PTPRD: variants seen among roughly 807,000 people sequenced by gnomAD.
PTPRD encodes receptor-type tyrosine-protein phosphatase delta.
Under a neutral mutation model 214.5 loss-of-function variants are expected in PTPRD, and 34 were observed. The ratio of observed to expected loss-of-function variants is 0.16; its 90% CI spans 0.12 to 0.21. The LOEUF is 0.21. Ranked by LOEUF, PTPRD falls within the 10% of genes least tolerant of loss-of-function variation. The pLI is 1.00. For synonymous variants in PTPRD, 1,128 were observed against 845.7 expected (o/e 1.33, Z -5.79); for missense variants, 2,545 against 2,398.7 (o/e 1.06, Z -1.27).
chr9:8,728,037 C>T (rs12001740), intron 12 of PTPRD, among the ~76,000 whole-genome samples: 7,794 of 151,960 alleles, frequency 0.051, 654 homozygotes, highest in African/African-American at 0.18. Flanking sequence ...CACCTGAGGT[C>T]GGGAGTTCGA....
chr9:8,717,988 TG>T (rs1300926177), intron 12 of PTPRD, among the ~76,000 whole-genome samples: 1 of 152,150 alleles, frequency 6.6e-6, no homozygotes, highest in Non-Finnish European at 1.5e-5. Context: ...CTATCTTCCT[TG>T]TAACTCAAAT....
chr9:9,757,099 G>T (rs2154472573), intron 6 of PTPRD, among the ~76,000 whole-genome samples: 1 of 152,144 alleles, frequency 6.6e-6, no homozygotes, highest in Middle Eastern at 3.4e-3. Context: ...AAGTTCACAG[G>T]AATTCAGGCC....
rs142458774 is a variant in PTPRD, at chr9:9,625,669, G to A, written c.-286-50888C>T. Among the ~76,000 whole-genome samples, 535 of 152,116 alleles carry A rather than the reference G, an allele frequency of 3.5e-3. 3 individuals carry two copies. The highest frequency in any genetic ancestry group is 0.013 in the African/African-American group (519 of 41,484). On this transcript the variant is annotated intron_variant, in intron 7 of 45. Coordinates refer to ENST00000381196, the MANE Select transcript of PTPRD (RefSeq NM_002839.4). ...ATAGTCACCATTTTGTATAACTACG[G>A]GAAATCTCTTAGGTTATTGCAGATG...
intron 14 of PTPRD, among the ~76,000 whole-genome samples, chr9:8,559,040 C>G (rs907983048): frequency 2.6e-5 from 4 of 152,142 alleles, no homozygotes; most frequent in African/African-American, 9.7e-5. Context: ...TAATAGCTAA[C>G]TGAAGTTTTA....
intron 11 of PTPRD, among the ~76,000 whole-genome samples, chr9:8,787,759 C>G (rs1021506398): frequency 6.6e-6 from 1 of 152,080 alleles, no homozygotes; most frequent in East Asian, 1.9e-4. Flanking sequence ...TACATCTTTG[C>G]AAGTATGTGT....
At chr9:8,513,600 G>A (rs996291063) in intron 21 of PTPRD, among the ~76,000 whole-genome samples, 2 of 151,826 alleles carry the variant, frequency 1.3e-5, no homozygotes, top group African/African-American at 4.8e-5. Flanking sequence ...ATTTTTATAG[G>A]GTTAGAGGAG....
chr9:10,511,040 CAT>C (rs1235777412), intron 2 of PTPRD, among the ~76,000 whole-genome samples: 1 of 127,180 alleles, frequency 7.9e-6, no homozygotes, highest in Non-Finnish European at 1.7e-5. Context: ...ATGATTCATA[CAT>C]GTTATTGTAA....
At chr9:9,168,866 T>C (rs1263886790) in intron 10 of PTPRD, among the ~76,000 whole-genome samples, 1 of 151,888 alleles carries the variant, frequency 6.6e-6, no homozygotes, top group Non-Finnish European at 1.5e-5. Flanking sequence ...TACTGTCTTT[T>C]AGATTTTTTT....
intron 10 of PTPRD, among the ~76,000 whole-genome samples, chr9:9,055,426 G>A (rs1176499007): frequency 6.6e-6 from 1 of 152,112 alleles, no homozygotes; most frequent in Non-Finnish European, 1.5e-5. Context: ...ATCTTTGCCA[G>A]TTAAAAATAT....
chr9:9,922,392 T>TA (rs2153880226), intron 5 of PTPRD, among the ~76,000 whole-genome samples: 1 of 152,212 alleles, frequency 6.6e-6, no homozygotes, highest in South Asian at 2.1e-4. Context: ...AAGGGACCTG[T>TA]AACCTTCTTT....
chr9:10,530,318 G>T (rs758884015), intron 2 of PTPRD, among the ~76,000 whole-genome samples: 10 of 151,940 alleles, frequency 6.6e-5, no homozygotes, highest in Middle Eastern at 3.2e-3. Context: ...TACCAAATTA[G>T]ACTTTTTAGA....
chr9:10,289,685 T>C (rs1349285022), intron 3 of PTPRD, among the ~76,000 whole-genome samples: 1 of 152,200 alleles, frequency 6.6e-6, no homozygotes, highest in Non-Finnish European at 1.5e-5. Context: ...TAGGACATTG[T>C]AAACAAAGGG....
intron 5 of PTPRD, among the ~76,000 whole-genome samples, chr9:9,778,207 A>G (rs2098813918): frequency 6.6e-6 from 1 of 152,216 alleles, no homozygotes; most frequent in African/African-American, 2.4e-5. Context: ...GGAACCCTGC[A>G]CAGCATAAGG....
Position 9,942,895 on chromosome 9 carries a change from GTTT to G in PTPRD, c.-471-4288_-471-4286del, listed in dbSNP as rs113089194. The stretch of plus-strand genomic sequence containing the variant: ...CGTCAGCAAAACATTGCTCTGAGTT[GTTT>G]TTTTTTTTTTTTAAAGCTTTTGTCC... On this transcript the variant is annotated intron_variant, in intron 4 of 45. Coordinates refer to ENST00000381196, the MANE Select transcript of PTPRD (RefSeq NM_002839.4). Among the ~76,000 whole-genome samples the G allele has an allele frequency of 1.1e-4, 13 of 120,144 alleles. No individual in the cohort carries two copies. In the South Asian group the frequency reaches 2.9e-3, roughly 26 times the overall value. 78.8% of individuals were successfully genotyped at this position (120,144 alleles called of 152,430 possible). A position where few individuals can be genotyped will look rare whatever the true frequency, so the allele number is the denominator to read the frequency against.
intron 11 of PTPRD, among the ~76,000 whole-genome samples, chr9:8,742,997 C>G (rs567833727): frequency 6.6e-6 from 1 of 151,820 alleles, no homozygotes; most frequent in East Asian, 2.0e-4. Flanking sequence ...CACAGAACAA[C>G]TACCTGCCCC....
rs182363108 is a variant in PTPRD at position 9,752,801 on chromosome 9, G to A, written c.-326+14009C>T. 2.0e-3 allele frequency among the ~76,000 whole-genome samples: 305 copies of A among 152,058 alleles called. 1 individual carries two copies. The highest frequency in any genetic ancestry group is 7.1e-3 in the African/African-American group (293 of 41,536). On this transcript the variant is annotated intron_variant, in intron 6 of 45. Coordinates refer to ENST00000381196, the MANE Select transcript of PTPRD (RefSeq NM_002839.4). ...AGATCCATTAAATATGGCCTGGCAC[G>A]ACCTTTCTAGGACAAGTCATTAAAG...
intron 35 of PTPRD, among the ~76,000 whole-genome samples, chr9:8,408,037 A>C (rs1293678580): frequency 6.6e-6 from 1 of 152,214 alleles, no homozygotes; most frequent in African/African-American, 2.4e-5. Flanking sequence ...ATCATGAATG[A>C]GTAAGACCCT....
chr9:8,719,480 TC>T (rs566696027), intron 12 of PTPRD, among the ~76,000 whole-genome samples: 357 of 152,316 alleles, frequency 2.3e-3, no homozygotes, highest in African/African-American at 8.0e-3. Flanking sequence ...TTAAACAAGG[TC>T]CTTTGCTGAT....
intron 8 of PTPRD, among the ~76,000 whole-genome samples, chr9:9,556,479 A>C (rs1236766801): frequency 2.0e-5 from 3 of 152,180 alleles, no homozygotes; most frequent in African/African-American, 7.2e-5. Flanking sequence ...TTTATTATTC[A>C]TAACAGTCAT....
Sources: allele counts gnomAD v4.1 joint callset (sites outside exome capture counted in the v4.1 genomes callset), GRCh38; gene constraint gnomAD v4.1.1; transcripts MANE v1.5; gene names NCBI Gene and HGNC (gene_info 2026-07-23, HGNC 2026-07-21).